Variants in ATP6V0A1 observed in about 807,000 individuals in gnomAD.
The protein encoded by ATP6V0A1 is V-type proton ATPase 116 kDa subunit a 1.
ATP6V0A1 carries 43 observed loss-of-function variants against 105.4 expected under a neutral mutation model. The observed-to-expected ratio is 0.41, with a 90% CI of 0.32 to 0.53. The LOEUF (loss-of-function observed/expected upper bound fraction) is 0.53, where lower values mean the gene tolerates loss of function less well. ATP6V0A1 is among the 20% of genes least tolerant of loss of function. The pLI, the probability that ATP6V0A1 is intolerant of heterozygous loss-of-function variation, is 0.30. For missense variants in ATP6V0A1, 676 were observed against 1,051.1 expected, an observed-to-expected ratio of 0.64 and a Z score of 4.93; for synonymous variants, 362 against 372.8, an observed-to-expected ratio of 0.97 and a Z score of 0.33.
In ATP6V0A1 at chr17:42,521,222, T is replaced by A; in HGVS notation, c.*102T>A. 1 of 1,009,958 alleles carries A rather than the reference T, an allele frequency of 9.9e-7. No homozygotes were observed. The highest frequency in any genetic ancestry group is 1.4e-6 in the Non-Finnish European group (1 of 693,030). 62.6% of individuals were successfully genotyped at this position (1,009,958 alleles called of 1,614,324 possible). A position where few individuals can be genotyped will look rare whatever the true frequency, so the allele number is the denominator to read the frequency against. On this transcript the variant is annotated 3_prime_UTR_variant, in exon 22 of 22. Coordinates refer to ENST00000343619, the MANE Select transcript of ATP6V0A1 (RefSeq NM_001130021.3). This position sits in a 1 kb window ranked among gnomAD's most constrained non-coding sequence, Gnocchi z 4.8. ...TTGGTTGTGATCTGTGGGCACCAGC[T>A]CATTCGTGTCACCCTGTCTGTGAGT...
chr17:42,459,839 G>A (rs2086199109), intron 1 of ATP6V0A1, among the ~76,000 whole-genome samples: 1 of 152,146 alleles, frequency 6.6e-6, no homozygotes, highest in Non-Finnish European at 1.5e-5. Flanking sequence ...ATGTCTCCCA[G>A]CCTTCCAGAA....
At chr17:42,494,705 C>T (rs1045939971) in intron 12 of ATP6V0A1, 6 of 541,814 alleles carry the variant, frequency 1.1e-5, no homozygotes, top group African/African-American at 7.6e-5. Context: ...CCCAGGAATT[C>T]GAGACCAGCA....
intron 10 of ATP6V0A1, among the ~76,000 whole-genome samples, chr17:42,489,300 C>T (rs573146831): frequency 3.3e-5 from 5 of 151,994 alleles, no homozygotes; most frequent in African/African-American, 9.6e-5. Context: ...AAGCTGGTGT[C>T]GAACTCCTGA....
chr17:42,513,989 C>A lies in ATP6V0A1; in HGVS notation c.2248+11C>A. The A allele has an allele frequency of 6.2e-7, 1 of 1,610,002 alleles. No individual in the cohort carries two copies. Among genetic ancestry groups the A allele is most frequent in the Non-Finnish European group, 8.5e-7 (1 of 1,176,300 alleles). On this transcript the variant is annotated intron_variant, in intron 20 of 21. Transcript: ENST00000343619. Reference sequence around the variant, plus strand: ...GCCTCGCTCATGCGCGTGAGTACCTCTCTCCGGGCTCCGGAACTCTAGTTT... The same window carrying A: ...GCCTCGCTCATGCGCGTGAGTACCTATCTCCGGGCTCCGGAACTCTAGTTT...
chr17:42,479,727 C>T (rs1323523097), intron 7 of ATP6V0A1, among the ~76,000 whole-genome samples: 2 of 152,172 alleles, frequency 1.3e-5, no homozygotes, highest in Non-Finnish European at 1.5e-5. Flanking sequence ...GGTGAACCCC[C>T]TGCCTAGGGG....
chr17:42,483,185 C>T, intron 9 of ATP6V0A1, 54 bp downstream of exon 9: 1 of 1,308,118 alleles, frequency 7.6e-7, no homozygotes, highest in Admixed American at 2.6e-5. Context: ...AATACGAGAC[C>T]ATTATCCTTC....
At chr17:42,512,234 G>A (rs2092378322) in intron 19 of ATP6V0A1, among the ~76,000 whole-genome samples, 1 of 152,206 alleles carries the variant, frequency 6.6e-6, no homozygotes, top group Non-Finnish European at 1.5e-5. Context: ...AGGAAGCTGG[G>A]AATGAAGGAG....
intron 16 of ATP6V0A1, 120 bp from the exon 17 acceptor site, chr17:42,501,076 AG>A: frequency 2.6e-6 from 3 of 1,145,440 alleles, no homozygotes; most frequent in Non-Finnish European, 3.8e-6. Context: ...GAAATTGGAT[AG>A]TGTTATTCAT....
intron 2 of ATP6V0A1, among the ~76,000 whole-genome samples, chr17:42,464,817 T>C (rs548415097): frequency 6.6e-6 from 1 of 152,230 alleles, no homozygotes; most frequent in Non-Finnish European, 1.5e-5. Context: ...GCTTATTCTT[T>C]GTATTTTCCC....
intron 15 of ATP6V0A1, among the ~76,000 whole-genome samples, 175 bp from the exon 16 acceptor site, chr17:42,500,532 T>C (rs2091585879): frequency 6.6e-6 from 1 of 152,152 alleles, no homozygotes; most frequent in African/African-American, 2.4e-5. Flanking sequence ...AGTTTGACCG[T>C]GATAGTTAAT....
chr17:42,511,819 C>T (rs1463165773), intron 19 of ATP6V0A1, among the ~76,000 whole-genome samples: 1 of 151,676 alleles, frequency 6.6e-6, no homozygotes, highest in Non-Finnish European at 1.5e-5. Context: ...AAAAATTAGC[C>T]GGGTGTGGTG....
chr17:42,500,656 A>G, intron 15 of ATP6V0A1, 51 bp from the exon 16 acceptor site: 1 of 1,422,908 alleles, frequency 7.0e-7, no homozygotes, highest in Non-Finnish European at 9.9e-7. Flanking sequence ...TCAGTGTAGG[A>G]GTGGCCCTAG....
At chr17:42,463,610 A>T (rs2145631290) in intron 2 of ATP6V0A1, among the ~76,000 whole-genome samples, 1 of 152,292 alleles carries the variant, frequency 6.6e-6, no homozygotes, top group East Asian at 1.9e-4. Context: ...TATTATGATT[A>T]AAGCTGAAGT....
chr17:42,521,227 C>T lies in ATP6V0A1; in HGVS notation c.*107C>T, dbSNP rs895145012. On this transcript the variant is annotated 3_prime_UTR_variant, in exon 22 of 22. Transcript: ENST00000343619. The surrounding 1 kb of genome is among the most constrained non-coding windows in gnomAD (Gnocchi z 4.8). ...TGTGATCTGTGGGCACCAGCTCATT[C>T]GTGTCACCCTGTCTGTGAGTCATTT... is the stretch of plus-strand genomic sequence containing the variant. The T allele has an allele frequency of 1.5e-5, 15 of 971,998 alleles. No individual in the cohort carries two copies. Among genetic ancestry groups the T allele is most frequent in the Middle Eastern group, 3.3e-4 (1 of 2,992 alleles). The allele number at this position is 971,998 out of a possible 1,614,324, so 60.2% of individuals were successfully genotyped here.
chr17:42,507,658 T>A (rs748724004), intron 18 of ATP6V0A1, 31 bp downstream of exon 18: 6 of 1,580,048 alleles, frequency 3.8e-6, no homozygotes, highest in Non-Finnish European at 5.2e-6. Flanking sequence ...CTTTCTCTCC[T>A]TCCACCTCGG....
At chr17:42,485,625 G>A (rs1177647490) in intron 9 of ATP6V0A1, among the ~76,000 whole-genome samples, 1 of 152,086 alleles carries the variant, frequency 6.6e-6, no homozygotes, top group Non-Finnish European at 1.5e-5. Context: ...CACAATCTTG[G>A]CTCACTGCAG....
chr17:42,473,187 T>C (rs1306470253), intron 5 of ATP6V0A1, among the ~76,000 whole-genome samples: 1 of 152,220 alleles, frequency 6.6e-6, no homozygotes, highest in Non-Finnish European at 1.5e-5. Context: ...GGTAACTTCT[T>C]TCGCCAGTCC....
chr17:42,473,073 A>C (rs1441010463), intron 5 of ATP6V0A1, among the ~76,000 whole-genome samples: 1 of 152,206 alleles, frequency 6.6e-6, no homozygotes, highest in Non-Finnish European at 1.5e-5. Context: ...GGTCAAGGGA[A>C]AGGGGAAAAA....
chr17:42,495,118 T>A lies in ATP6V0A1; in HGVS notation c.1399T>A (p.Cys467Ser). 8 of 1,614,108 alleles carry A rather than the reference T, an allele frequency of 5.0e-6. No homozygotes were observed. Among genetic ancestry groups the A allele is most frequent in the Non-Finnish European group, 6.8e-6 (8 of 1,179,946 alleles). The change falls in exon 13 of 22, where the codon TGC becomes AGC. Residue 467 changes from cysteine to serine, a missense_variant. By Grantham distance (112) the Cys-to-Ser change is moderately radical. This residue lies in a region of ATP6V0A1 where 435 missense variants were observed against 642.2 expected (regional missense o/e 0.68). Coordinates refer to ENST00000343619, the MANE Select transcript of ATP6V0A1 (RefSeq NM_001130021.3). ...SMYTGLIYND[C>S]FSKSLNIFGS... Reference sequence around the variant, plus strand: ...GTACACTGGCCTCATCTACAATGATTGCTTTTCCAAGTCTCTTAATATCTT... The same window carrying A: ...GTACACTGGCCTCATCTACAATGATAGCTTTTCCAAGTCTCTTAATATCTT...
Sources: allele counts gnomAD v4.1 joint callset (sites outside exome capture counted in the v4.1 genomes callset), GRCh38; gene constraint gnomAD v4.1.1; regional missense constraint gnomAD v4.1.1; non-coding constraint Gnocchi (gnomAD v3.1); transcripts MANE v1.5; gene names NCBI Gene and HGNC (gene_info 2026-07-23, HGNC 2026-07-21).